KCNN1: variants seen among roughly 807,000 people sequenced by gnomAD.
KCNN1 encodes small conductance calcium-activated potassium channel protein 1.
In KCNN1, 20 loss-of-function variants were observed where a neutral mutation model predicts 44.7. That is an observed-to-expected ratio of 0.45 (90% CI 0.32 to 0.65). The LOEUF (loss-of-function observed/expected upper bound fraction) is 0.65. Ranked by LOEUF, KCNN1 falls within the 30% of genes least tolerant of loss-of-function variation. KCNN1 has a pLI of 0.05. For missense variants in KCNN1, 632 were observed against 785.3 expected (o/e 0.80, Z 2.33); for synonymous variants, 324 against 341.7 (o/e 0.95, Z 0.57).
Position 17,993,432 on chromosome 19 carries a change from C to T in KCNN1, c.1308-58C>T, listed in dbSNP as rs1019330911. The T allele has an allele frequency of 4.0e-5, 53 of 1,309,428 alleles. No homozygotes were observed. In the Admixed American group the frequency reaches 9.2e-4, roughly 23 times the overall value. The allele number at this position is 1,309,428 out of a possible 1,614,324, so 81.1% of individuals were successfully genotyped here. A position where few individuals can be genotyped will look rare whatever the true frequency, so the allele number is the denominator to read the frequency against. ...GTGGGTGCATGAAAGTCCCTGCCCC[C>T]ACTGCAGCCTCCACGGGAACCTGCC... On this transcript the variant is annotated intron_variant, in intron 8 of 9. Transcript: ENST00000684775. This position sits in a 1 kb window ranked among gnomAD's most constrained non-coding sequence, Gnocchi z 4.5.
At chr19:17,951,971 C>T (rs2031420721) in intron 1 of KCNN1, among the ~76,000 whole-genome samples, 1 of 152,232 alleles carries the variant, frequency 6.6e-6, no homozygotes, top group Admixed American at 6.5e-5. Flanking sequence ...GCACCTTGGG[C>T]CAGAGGCGGC....
intron 3 of KCNN1, among the ~76,000 whole-genome samples, chr19:17,979,676 AG>A (rs1481404567): frequency 6.6e-6 from 1 of 152,050 alleles, no homozygotes; most frequent in East Asian, 1.9e-4. Context: ...GGATATGGCC[AG>A]GGTACCCCAT....
chr19:17,974,946 C>G lies in KCNN1; in HGVS notation c.403-146C>G. ...AGCAGCCCCAGGACTGGGGAACTAG[C>G]AGAAATTCAGGGTACAGTGGGAGAA... On this transcript the variant is annotated intron_variant, in intron 2 of 9. Coordinates refer to ENST00000684775, the MANE Select transcript of KCNN1 (RefSeq NM_001386974.1). This position sits in a 1 kb window ranked among gnomAD's most constrained non-coding sequence, Gnocchi z 7.3. 1 of 641,418 alleles carries G rather than the reference C, an allele frequency of 1.6e-6. No homozygotes were observed. The highest frequency in any genetic ancestry group is 2.8e-6 in the Non-Finnish European group (1 of 358,290). 39.7% of individuals were successfully genotyped at this position (641,418 alleles called of 1,614,324 possible). A position where few individuals can be genotyped will look rare whatever the true frequency, so the allele number is the denominator to read the frequency against.
At chr19:17,973,223 CCT>C (rs1285938837) in intron 1 of KCNN1, among the ~76,000 whole-genome samples, 1 of 152,168 alleles carries the variant, frequency 6.6e-6, no homozygotes, top group Non-Finnish European at 1.5e-5. Context: ...CCAGTCTCAG[CCT>C]CTGAGTAGCT....
rs527939752 is a variant in KCNN1, at chr19:17,995,141, A to G, written c.1377+1582A>G. On this transcript the variant is annotated intron_variant, in intron 9 of 9. Coordinates refer to ENST00000684775, the MANE Select transcript of KCNN1 (RefSeq NM_001386974.1). ...GAGAATGCAATCTAGCTTAATATTA[A>G]CCTACAAGAAATTTAATTTGGAAGG... Among the ~76,000 whole-genome samples, 238 of 151,542 alleles carry G rather than the reference A, an allele frequency of 1.6e-3. 2 individuals carry two copies. Among genetic ancestry groups the G allele is most frequent in the African/African-American group, 5.6e-3 (232 of 41,364 alleles).
chr19:17,999,937 ACT>A lies in KCNN1; in HGVS notation c.*1534_*1535del, dbSNP rs2033128325. 1 of 455,516 alleles carries A rather than the reference ACT, an allele frequency of 2.2e-6. No individual in the cohort carries two copies. The highest frequency in any genetic ancestry group is 1.5e-5 in the South Asian group (1 of 64,518). The allele number at this position is 455,516 out of a possible 1,614,324, so 28.2% of individuals were successfully genotyped here. ...GTCCTGACTCTGCCACTGCTGGGTG[ACT>A]CTGAGCAGTGGCTGCCCCTCTGGGG... On this transcript the variant is annotated 3_prime_UTR_variant, in exon 10 of 10. Coordinates refer to ENST00000684775, the MANE Select transcript of KCNN1 (RefSeq NM_001386974.1).
At chr19:17,957,008 C>T (rs2031557750) in intron 2 of KCNN1, among the ~76,000 whole-genome samples, 1 of 149,496 alleles carries the variant, frequency 6.7e-6, no homozygotes, top group Non-Finnish European at 1.5e-5. Context: ...GCCGAAATTG[C>T]AGCACTGCAC....
chr19:17,995,169 ATCT>A (rs940359375), intron 9 of KCNN1, among the ~76,000 whole-genome samples: 5 of 150,890 alleles, frequency 3.3e-5, no homozygotes, highest in Non-Finnish European at 5.9e-5. Flanking sequence ...TTGGAAGGGA[ATCT>A]TCTTTTTTTT....
chr19:17,990,095 C>G (rs2032737016), intron 7 of KCNN1: 1 of 659,414 alleles, frequency 1.5e-6, no homozygotes, highest in Admixed American at 2.1e-5. Context: ...CAGGATAATT[C>G]TTACCCTTTA....
chr19:17,990,288 C>T (rs997535669), intron 7 of KCNN1, among the ~76,000 whole-genome samples: 1 of 148,816 alleles, frequency 6.7e-6, no homozygotes, highest in African/African-American at 2.5e-5. Flanking sequence ...AGTTCAACAC[C>T]ATCCGTGGCA....
intron 4 of KCNN1, 71 bp downstream of exon 4, chr19:17,982,198 G>T: frequency 8.0e-7 from 1 of 1,244,556 alleles, no homozygotes; most frequent in South Asian, 1.5e-5. Context: ...GCCCATTCAT[G>T]ATTTCACCGA....
chr19:17,970,077 A>G (rs960414178), intron 1 of KCNN1, among the ~76,000 whole-genome samples: 1 of 151,936 alleles, frequency 6.6e-6, no homozygotes, highest in Non-Finnish European at 1.5e-5. Flanking sequence ...CTGGGCCGGC[A>G]GGAGGTCAGG....
intron 4 of KCNN1, chr19:17,982,492 C>T (rs2032451765): frequency 1.1e-6 from 1 of 939,692 alleles, no homozygotes; most frequent in Non-Finnish European, 1.3e-6. Flanking sequence ...GGGATGCCTC[C>T]CCGTCCCCTC....
upstream of KCNN1, among the ~76,000 whole-genome samples, chr19:17,965,326 G>A (rs2031774281): frequency 6.6e-6 from 1 of 152,082 alleles, no homozygotes; most frequent in East Asian, 1.9e-4. Context: ...TGTGCAAGCA[G>A]ACCAGGGTCA....
Position 17,988,445 on chromosome 19 carries a change from G to C in KCNN1, c.1090G>C (p.Val364Leu). The change falls in exon 6 of 10, where the codon GTG (valine) becomes CTG (leucine). Residue 364 changes from valine to leucine, a missense_variant. Physicochemically the swap from Val to Leu is conservative, Grantham distance 32 (BLOSUM62 1). Around this residue, in one of 3 missense-constraint regions of KCNN1, gnomAD observed 160 missense variants for 308.3 expected, o/e 0.52. Transcript: ENST00000684775. ...GAGCTALVVA[V>L]VARKLELTKA... Reference sequence around the variant, plus strand: ...TGGCTGTACCGCGCTCGTGGTGGCTGTGGTGGCTCGGAAGCTGGAGCTCAC... The same window carrying C: ...TGGCTGTACCGCGCTCGTGGTGGCTCTGGTGGCTCGGAAGCTGGAGCTCAC... 6.2e-7 allele frequency: 1 copy of C among 1,613,264 alleles called. No individual in the cohort carries two copies. Among genetic ancestry groups the C allele is most frequent in the Non-Finnish European group, 8.5e-7 (1 of 1,179,846 alleles).
chr19:17,986,952 G>T (rs1013925930), intron 5 of KCNN1, among the ~76,000 whole-genome samples: 1 of 150,824 alleles, frequency 6.6e-6, no homozygotes, highest in Non-Finnish European at 1.5e-5. Flanking sequence ...AATTACAGGC[G>T]CCTGCCACCA....
intron 7 of KCNN1, among the ~76,000 whole-genome samples, 178 bp from the exon 8 acceptor site, chr19:17,992,876 C>G (rs572373795): frequency 1.6e-4 from 25 of 152,196 alleles, no homozygotes; most frequent in Non-Finnish European, 3.2e-4. Context: ...TGGCACAGAA[C>G]CCTCAGAGGC....
At chr19:17,960,941 T>C (rs775480887) in intron 2 of KCNN1, among the ~76,000 whole-genome samples, 4 of 152,046 alleles carry the variant, frequency 2.6e-5, no homozygotes, top group East Asian at 1.9e-4. Flanking sequence ...CCCCTCTTCA[T>C]TGGGTGGGCC....
intron 1 of KCNN1, among the ~76,000 whole-genome samples, chr19:17,972,606 T>C (rs371394114): frequency 6.6e-6 from 1 of 152,316 alleles, no homozygotes; most frequent in Non-Finnish European, 1.5e-5. Flanking sequence ...TTGGAGATTA[T>C]GGATCCCCTC....
Sources: gnomAD v4.1 joint callset for allele counts (sites outside exome capture counted in the v4.1 genomes callset) on GRCh38, gnomAD v4.1.1 for gene constraint, gnomAD v4.1.1 regional missense constraint, Gnocchi (gnomAD v3.1) non-coding constraint, MANE v1.5 for transcripts, NCBI Gene and HGNC (gene_info 2026-07-23, HGNC 2026-07-21) for gene names.